Variants in AAK1 observed in about 807,000 individuals in gnomAD.
AAK1 encodes AP2 associated kinase 1.
In AAK1, 37 loss-of-function variants were observed where a neutral mutation model predicts 116.0. The ratio of observed to expected loss-of-function variants is 0.32; its 90% confidence interval spans 0.25 to 0.42. The LOEUF (loss-of-function observed/expected upper bound fraction) is 0.42, where lower values mean the gene tolerates loss of function less well. Among genes scored for constraint, AAK1 ranks in the 10% least tolerant of loss-of-function variants. The probability of loss-of-function intolerance (pLI) is 1.00; values close to 1 mark genes in which losing one functional copy is unlikely to be tolerated. For missense variants in AAK1, 919 were observed against 1,170.6 expected (o/e 0.79, Z 3.14); for synonymous variants, 458 against 439.9 (o/e 1.04, Z -0.51).
chr2:69,595,025 C>T (rs1391079516), intron 2 of AAK1: 1 of 748,814 alleles, frequency 1.3e-6, no homozygotes, highest in South Asian at 1.3e-5. Context: ...ACACTTCTGA[C>T]ACAAGTCCAG....
intron 5 of AAK1, among the ~76,000 whole-genome samples, chr2:69,532,613 C>T (rs929037047): frequency 1.3e-5 from 2 of 151,474 alleles, no homozygotes; most frequent in East Asian, 3.9e-4. Flanking sequence ...CAGGCTCCCA[C>T]TCAGATAAAA....
intron 2 of AAK1, among the ~76,000 whole-genome samples, chr2:69,557,888 C>CT: frequency 6.6e-6 from 1 of 152,290 alleles, no homozygotes; most frequent in Non-Finnish European, 1.5e-5. Context: ...CCTAAAGATT[C>CT]TTCCGGACCT....
At chr2:69,513,256 G>A (rs184606566) in intron 13 of AAK1, among the ~76,000 whole-genome samples, 107 of 152,078 alleles carry the variant, frequency 7.0e-4, no homozygotes, top group Admixed American at 1.7e-3. Context: ...CTTTCGAAGC[G>A]ATGTAGGTTT....
At chr2:69,501,004 G>A (rs1025965704) in intron 16 of AAK1, among the ~76,000 whole-genome samples, 4 of 151,876 alleles carry the variant, frequency 2.6e-5, no homozygotes, top group Non-Finnish European at 2.9e-5. Context: ...GCCAAACATC[G>A]TGCCAAATTC....
intron 6 of AAK1, chr2:69,531,496 A>G (rs1670255037): frequency 1.3e-6 from 1 of 795,032 alleles, no homozygotes; most frequent in African/African-American, 1.9e-5. Flanking sequence ...TGTGGACATG[A>G]GGAGAAAATG....
At chr2:69,501,383 A>G (rs1053821318) in intron 16 of AAK1, among the ~76,000 whole-genome samples, 1 of 147,878 alleles carries the variant, frequency 6.8e-6, no homozygotes, top group Non-Finnish European at 1.5e-5. Context: ...ACAAAACCCC[A>G]TTTTTTTTTT....
chr2:69,608,845 A>C (rs1673931769), intron 2 of AAK1, among the ~76,000 whole-genome samples: 1 of 152,286 alleles, frequency 6.6e-6, no homozygotes, highest in Non-Finnish European at 1.5e-5. Flanking sequence ...ATAATATGAA[A>C]GGGAAATAAA....
At chr2:69,509,777 C>T (rs1005830273) in intron 13 of AAK1, among the ~76,000 whole-genome samples, 1 of 152,164 alleles carries the variant, frequency 6.6e-6, no homozygotes, top group African/African-American at 2.4e-5. Context: ...GCTATTCCAG[C>T]TGTAAAGATC....
chr2:69,470,751 GTAGCCATGATTCATTAA>G lies in AAK1; in HGVS notation c.*5101_*5117del, dbSNP rs1674647994. 1.0e-6 allele frequency: 1 copy of G among 985,672 alleles called. No individual in the cohort carries two copies. Among genetic ancestry groups the G allele is most frequent in the Non-Finnish European group, 1.2e-6 (1 of 829,928 alleles). 61.1% of individuals were successfully genotyped at this position (985,672 alleles called of 1,614,324 possible). On this transcript the variant is annotated 3_prime_UTR_variant, in exon 22 of 22. Coordinates refer to ENST00000409085, the MANE Select transcript of AAK1 (RefSeq NM_014911.5). ...TAAAACAGGGGTTTTACTCTCTCAG[GTAGCCATGATTCATTAA>G]TATGTCCTCAGTGTGTAGCTATACT...
intron 3 of AAK1, among the ~76,000 whole-genome samples, chr2:69,551,697 A>G (rs1671189948): frequency 1.3e-5 from 2 of 152,166 alleles, no homozygotes; most frequent in African/African-American, 2.4e-5. Flanking sequence ...TTAGGTCTGA[A>G]GATAATTAAT....
intron 3 of AAK1, among the ~76,000 whole-genome samples, chr2:69,551,491 A>T (rs1671181852): frequency 6.6e-6 from 1 of 152,226 alleles, no homozygotes; most frequent in Admixed American, 6.5e-5. Flanking sequence ...CACCCTTTGT[A>T]GAATAAGAAA....
Position 69,509,219 on chromosome 2 carries a change from A to G in AAK1, c.2006+12T>C. ...ACAGAGGTAAGAACAACAAAGAGGA[A>G]GCACCACATACTTGGACTTATTGAG... is the stretch of plus-strand genomic sequence containing the variant. On this transcript the variant is annotated intron_variant, in intron 14 of 21. Coordinates refer to ENST00000409085, the MANE Select transcript of AAK1 (RefSeq NM_014911.5). 1 of 1,612,534 alleles carries G rather than the reference A, an allele frequency of 6.2e-7. No individual in the cohort carries two copies. The highest frequency in any genetic ancestry group is 8.5e-7 in the Non-Finnish European group (1 of 1,178,594).
intron 16 of AAK1, among the ~76,000 whole-genome samples, chr2:69,503,005 C>A (rs185225166): frequency 2.0e-5 from 3 of 152,270 alleles, no homozygotes; most frequent in Admixed American, 6.5e-5. Flanking sequence ...GTGGAAACTG[C>A]TAATTTCCAG....
chr2:69,615,831 T>C (rs540387855), intron 2 of AAK1, among the ~76,000 whole-genome samples: 1 of 152,354 alleles, frequency 6.6e-6, no homozygotes, highest in South Asian at 2.1e-4. Context: ...TTCATCATAA[T>C]TTATGCAGTG....
chr2:69,472,244 C>A lies in AAK1; in HGVS notation c.*3625G>T. On this transcript the variant is annotated 3_prime_UTR_variant, in exon 22 of 22. Coordinates refer to ENST00000409085, the MANE Select transcript of AAK1 (RefSeq NM_014911.5). ...TCAACAGTAACCACTCTTCATCTTACAGGGTTGAATTTGCTTTCTGGAAAT... is the reference window on the plus strand; with the variant it reads ...TCAACAGTAACCACTCTTCATCTTAAAGGGTTGAATTTGCTTTCTGGAAAT... 1 of 867,350 alleles carries A rather than the reference C, an allele frequency of 1.2e-6. No individual in the cohort carries two copies. Among genetic ancestry groups the A allele is most frequent in the Middle Eastern group, 5.8e-4 (1 of 1,712 alleles). The allele number at this position is 867,350 out of a possible 1,614,324, so 53.7% of individuals were successfully genotyped here. A position where few individuals can be genotyped will look rare whatever the true frequency, so the allele number is the denominator to read the frequency against.
Position 69,479,077 on chromosome 2 carries a change from C to T in AAK1, c.2570-16G>A, listed in dbSNP as rs372679648. On this transcript the variant is annotated splice_polypyrimidine_tract_variant and intron_variant, in intron 19 of 21. Transcript: ENST00000409085. ...GTGAGAGAATCTGAGTCCAGATTAA[C>T]AGCATCCCAGGTCAGTGATGGCATT... is the stretch of plus-strand genomic sequence containing the variant. 46 of 1,543,788 alleles carry T rather than the reference C, an allele frequency of 3.0e-5. No individual in the cohort carries two copies. In the African/African-American group the frequency reaches 6.0e-4, roughly 20 times the overall value.
In AAK1 at chr2:69,466,181, T is replaced by A; in HGVS notation, c.*9688A>T. 7.8e-7 allele frequency: 1 copy of A among 1,289,944 alleles called. No individual in the cohort carries two copies. The highest frequency in any genetic ancestry group is 1.0e-6 in the Non-Finnish European group (1 of 988,874). 79.9% of individuals were successfully genotyped at this position (1,289,944 alleles called of 1,614,324 possible). On this transcript the variant is annotated 3_prime_UTR_variant, in exon 22 of 22. Coordinates refer to ENST00000409085, the MANE Select transcript of AAK1 (RefSeq NM_014911.5). Reference sequence around the variant, plus strand: ...GTGTGAAGGCTTGAAACTGGTTCTTTCTTCCACCTTGCACTGTCTTTGCTT... The same window carrying A: ...GTGTGAAGGCTTGAAACTGGTTCTTACTTCCACCTTGCACTGTCTTTGCTT...
At chr2:69,490,306 G>T (rs1313675709) in intron 17 of AAK1, among the ~76,000 whole-genome samples, 1 of 151,958 alleles carries the variant, frequency 6.6e-6, no homozygotes, top group African/African-American at 2.4e-5. Context: ...TCCATTTCTG[G>T]GTATATACCC....
At chr2:69,562,270 A>T (rs1362147802) in intron 2 of AAK1, among the ~76,000 whole-genome samples, 1 of 152,162 alleles carries the variant, frequency 6.6e-6, no homozygotes, top group African/African-American at 2.4e-5. Context: ...TAGCTATTCT[A>T]GTGGGTGTGT....
Sources: allele counts gnomAD v4.1 joint callset (sites outside exome capture counted in the v4.1 genomes callset), GRCh38; gene constraint gnomAD v4.1.1; transcripts MANE v1.5; gene names NCBI Gene and HGNC (gene_info 2026-07-23, HGNC 2026-07-21).